The following PCDHA3 variants were observed in gnomAD, a reference collection of about 807,000 sequenced individuals.
The protein encoded by PCDHA3 is protocadherin alpha 3, also known as protocadherin alpha-3.
A neutral mutation model predicts 62.2 loss-of-function variants in PCDHA3; 41 were observed. The observed-to-expected ratio is 0.66, with a 90% CI of 0.51 to 0.86. The LOEUF (loss-of-function observed/expected upper bound fraction) is 0.86, where lower values mean the gene tolerates loss of function less well. Among genes scored for constraint, PCDHA3 ranks in the 40% least tolerant of loss-of-function variants. The probability of loss-of-function intolerance (pLI) is 0.00; values close to 1 mark genes in which losing one functional copy is unlikely to be tolerated. For missense variants in PCDHA3, 1,304 were observed against 1,241.2 expected (o/e 1.05, Z -0.76); for synonymous variants, 640 against 555.4 (o/e 1.15, Z -2.14).
At chr5:140,975,876 A>G (rs573852863) in intron 1 of PCDHA3, among the ~76,000 whole-genome samples, 1 of 152,230 alleles carries the variant, frequency 6.6e-6, no homozygotes, top group South Asian at 2.1e-4. Context: ...TACCTAATTG[A>G]TTTTTTCCAC....
chr5:140,934,043 G>A (rs1241698438), intron 1 of PCDHA3, among the ~76,000 whole-genome samples: 1 of 151,818 alleles, frequency 6.6e-6, no homozygotes, highest in African/African-American at 2.4e-5. Context: ...AATGATATTA[G>A]TCTTTCCAAG....
intron 1 of PCDHA3, chr5:140,810,079 A>G (rs1764597643): frequency 6.5e-6 from 1 of 153,852 alleles, no homozygotes; most frequent in Non-Finnish European, 1.4e-5. Context: ...ACGTTATCTA[A>G]TTGGACTTGC....
chr5:140,856,154 G>C lies in PCDHA3; in HGVS notation c.2394+52563G>C, dbSNP rs147800828. The stretch of plus-strand genomic sequence containing the variant: ...CGGCCAGCTCCACTACTCAGTCTAC[G>C]AGGAGGCCAGACACGGCACCTTCGT... On this transcript the variant is annotated intron_variant, in intron 1 of 3. Transcript: ENST00000522353. 5.9e-5 allele frequency: 95 copies of C among 1,598,194 alleles called. 6 individuals are homozygous for C. The highest frequency in any genetic ancestry group is 7.7e-5 in the Non-Finnish European group (90 of 1,167,888).
At chr5:140,966,753 C>T in intron 1 of PCDHA3, 1 of 1,433,176 alleles carries the variant, frequency 7.0e-7, no homozygotes, top group South Asian at 1.5e-5. Context: ...CTGCCTCCGC[C>T]GCGGCCAGTG....
At chr5:140,978,570 G>A (rs151127662) in intron 1 of PCDHA3, among the ~76,000 whole-genome samples, 216 of 152,314 alleles carry the variant, frequency 1.4e-3, no homozygotes, top group African/African-American at 4.9e-3. Flanking sequence ...CTGTAATACT[G>A]AATTGGGAAT....
At chr5:140,807,793 A>C in intron 1 of PCDHA3, 1 of 1,614,146 alleles carries the variant, frequency 6.2e-7, no homozygotes, top group Non-Finnish European at 8.5e-7. Flanking sequence ...CTTTAGACAG[A>C]GAAGAAGCTC....
chr5:140,969,046 C>A, intron 1 of PCDHA3: 5 of 1,614,074 alleles, frequency 3.1e-6, no homozygotes, highest in Non-Finnish European at 4.2e-6. Flanking sequence ...ACAAACAAGC[C>A]AACAACAATA....
chr5:141,010,408 A>G lies in PCDHA3; in HGVS notation c.*471A>G. 1 of 1,251,364 alleles carries G rather than the reference A, an allele frequency of 8.0e-7. No homozygotes were observed. Among genetic ancestry groups the G allele is most frequent in the Non-Finnish European group, 1.1e-6 (1 of 926,828 alleles). 77.5% of individuals were successfully genotyped at this position (1,251,364 alleles called of 1,614,324 possible). ...GGCTGAGACGAGCCAGCTTAGACTA[A>G]TTGGTACAAGGAAGGCAAGAAAACA... On this transcript the variant is annotated 3_prime_UTR_variant, in exon 4 of 4. Transcript: ENST00000522353.
Position 140,803,309 on chromosome 5 carries a change from C to G in PCDHA3, c.2112C>G (p.Ile704Met). The change falls in exon 1 of 4, where the codon ATC (isoleucine) becomes ATG (methionine). Residue 704 changes from isoleucine to methionine, a missense_variant. By Grantham distance (10) the Ile-to-Met change is conservative. Transcript: ENST00000522353. ...VDVNVYLIVA[I>M]CAVSSLLVLT... ...TCAACGTGTACTTGATCGTCGCCAT[C>G]TGCGCGGTGTCCAGTCTGTTGGTGC... 2.5e-6 allele frequency: 4 copies of G among 1,614,164 alleles called. No individual in the cohort carries two copies. Among genetic ancestry groups the G allele is most frequent in the Non-Finnish European group, 3.4e-6 (4 of 1,179,994 alleles).
At chr5:140,964,841 T>G (rs2095857355) in intron 1 of PCDHA3, among the ~76,000 whole-genome samples, 2 of 152,190 alleles carry the variant, frequency 1.3e-5, no homozygotes, top group Non-Finnish European at 2.9e-5. Context: ...CTTCCTACTC[T>G]GTACCCTTGA....
At chr5:140,864,091 A>C (rs564098013) in intron 1 of PCDHA3, 4 of 152,590 alleles carry the variant, frequency 2.6e-5, no homozygotes, top group Admixed American at 2.0e-4. Context: ...TTCAGTTGAT[A>C]AGTATAATGA....
At chr5:140,883,313 G>A (rs1469839417) in intron 1 of PCDHA3, 2 of 1,614,000 alleles carry the variant, frequency 1.2e-6, no homozygotes, top group African/African-American at 2.7e-5. Flanking sequence ...TAACGCCCCA[G>A]AGGTTACCAT....
At chr5:140,838,136 CAG>C (rs1270820690) in intron 1 of PCDHA3, among the ~76,000 whole-genome samples, 9 of 126,910 alleles carry the variant, frequency 7.1e-5, no homozygotes, top group East Asian at 2.4e-4. Flanking sequence ...GTGTGTTTGA[CAG>C]AGTTTTACTC....
intron 1 of PCDHA3, chr5:140,825,526 G>C (rs1372499626): frequency 4.6e-5 from 7 of 151,322 alleles, no homozygotes; most frequent in Non-Finnish European, 8.8e-5. Flanking sequence ...CCAGGTTCAA[G>C]CGATTCTCCT....
intron 1 of PCDHA3, among the ~76,000 whole-genome samples, chr5:140,818,413 T>C (rs1455060825): frequency 2.6e-5 from 4 of 152,266 alleles, no homozygotes; most frequent in African/African-American, 9.6e-5. Context: ...ATTTTCCTTT[T>C]TAAAAATATA....
intron 1 of PCDHA3, among the ~76,000 whole-genome samples, chr5:140,918,282 C>CT (rs1554198523): frequency 6.6e-6 from 1 of 152,016 alleles, no homozygotes; most frequent in African/African-American, 2.4e-5. Context: ...GATGTAGGAG[C>CT]TTTTTGGCAG....
intron 3 of PCDHA3, among the ~76,000 whole-genome samples, chr5:140,995,073 C>A (rs2097663037): frequency 6.6e-6 from 1 of 152,180 alleles, no homozygotes; most frequent in Non-Finnish European, 1.5e-5. Context: ...CAACCTACAG[C>A]AATCCAAACT....
At chr5:140,975,439 T>C (rs1376325988) in intron 1 of PCDHA3, among the ~76,000 whole-genome samples, 2 of 152,222 alleles carry the variant, frequency 1.3e-5, no homozygotes, top group Non-Finnish European at 2.9e-5. Context: ...CACCAGGATA[T>C]AGGGATCTTG....
At position 140,836,615 on chromosome 5, in the gene PCDHA3, G is replaced by A. The variant is rs2150265724; in HGVS notation, c.2394+33024G>A. On this transcript the variant is annotated intron_variant, in intron 1 of 3. Coordinates refer to ENST00000522353, the MANE Select transcript of PCDHA3 (RefSeq NM_018906.3). Reference sequence around the variant, plus strand: ...AGCCCACTCTGGTGTGCTCCAGCGCGGTGGGGAGCTGGTCATTCTCCCAGC... The same window carrying A: ...AGCCCACTCTGGTGTGCTCCAGCGCAGTGGGGAGCTGGTCATTCTCCCAGC... 925 of 1,613,634 alleles carry A rather than the reference G, an allele frequency of 5.7e-4. 10 individuals carry two copies. The African/African-American group carries it at 0.011, about 19-fold the overall frequency.
Sources: allele counts gnomAD v4.1 joint callset (sites outside exome capture counted in the v4.1 genomes callset), GRCh38; gene constraint gnomAD v4.1.1; transcripts MANE v1.5; gene names NCBI Gene and HGNC (gene_info 2026-07-23, HGNC 2026-07-21).